ROCK2: variants seen among roughly 807,000 people sequenced by gnomAD.
ROCK2 encodes Rho associated coiled-coil containing protein kinase 2, also known as rho-associated protein kinase 2.
Under a neutral mutation model 195.1 loss-of-function variants are expected in ROCK2, and 61 were observed. The observed-to-expected ratio is 0.31, with a 90% CI of 0.25 to 0.39. ROCK2 has a LOEUF of 0.39. ROCK2 is among the 10% of genes least tolerant of loss of function. The pLI is 1.00. For synonymous variants in ROCK2, 504 were observed against 545.5 expected (o/e 0.92, Z 1.06); for missense variants, 1,109 against 1,637.4 (o/e 0.68, Z 5.57).
chr2:11,259,637 T>G (rs1666155027), intron 3 of ROCK2, among the ~76,000 whole-genome samples: 1 of 127,114 alleles, frequency 7.9e-6, no homozygotes, highest in Admixed American at 8.8e-5. Context: ...TTTATATATT[T>G]TTAAATTGTG....
At chr2:11,270,501 T>C (rs1175771982) in intron 3 of ROCK2, among the ~76,000 whole-genome samples, 4 of 152,218 alleles carry the variant, frequency 2.6e-5, no homozygotes, top group Non-Finnish European at 5.9e-5. Flanking sequence ...ACACCTTTTC[T>C]AGTGGTTCCA....
At chr2:11,196,195 G>C (rs960041691) in intron 27 of ROCK2, among the ~76,000 whole-genome samples, 2 of 152,160 alleles carry the variant, frequency 1.3e-5, no homozygotes, top group Non-Finnish European at 2.9e-5. Context: ...CTGAATGACG[G>C]AACTCTCTGC....
chr2:11,315,506 TAA>T (rs1433297651), intron 1 of ROCK2, among the ~76,000 whole-genome samples: 3 of 152,068 alleles, frequency 2.0e-5, no homozygotes, highest in Non-Finnish European at 4.4e-5. Flanking sequence ...CGGCATAATA[TAA>T]GTTTTAATTG....
At chr2:11,217,433 T>G (rs754412626) in intron 11 of ROCK2, 1 of 496,638 alleles carries the variant, frequency 2.0e-6, no homozygotes, top group Non-Finnish European at 3.8e-6. Flanking sequence ...GGCAGAATTG[T>G]TCTATGACAC....
At chr2:11,210,750 T>A (rs562215374) in intron 18 of ROCK2, among the ~76,000 whole-genome samples, 1 of 152,226 alleles carries the variant, frequency 6.6e-6, no homozygotes, top group Non-Finnish European at 1.5e-5. Context: ...ATGAAAATAA[T>A]TGAACTCTGT....
intron 1 of ROCK2, among the ~76,000 whole-genome samples, chr2:11,343,767 G>C (rs865823829): frequency 6.6e-6 from 1 of 152,160 alleles, no homozygotes; most frequent in South Asian, 2.1e-4. Context: ...AGGAGCAGCC[G>C]GGGATGACAC....
At chr2:11,286,664 TATA>T (rs375703660) in intron 2 of ROCK2, 25 bp from the exon 3 acceptor site, 211 of 1,148,458 alleles carry the variant, frequency 1.8e-4, no homozygotes, top group East Asian at 1.1e-3. Context: ...TCACCATACT[TATA>T]ATATCAATCA....
intron 17 of ROCK2, among the ~76,000 whole-genome samples, chr2:11,212,144 T>C (rs992877244): frequency 1.3e-5 from 2 of 152,102 alleles, no homozygotes; most frequent in Non-Finnish European, 2.9e-5. Flanking sequence ...CTTGAACTCC[T>C]GGGCTCAAGT....
chr2:11,311,079 TTATAA>T (rs1183612233), intron 1 of ROCK2, among the ~76,000 whole-genome samples: 6 of 151,708 alleles, frequency 4.0e-5, no homozygotes, highest in East Asian at 3.9e-4. Context: ...ATGAGAGTAA[TTATAA>T]TATATCAAGC....
chr2:11,237,934 C>A (rs1195771394), intron 4 of ROCK2, among the ~76,000 whole-genome samples: 1 of 152,020 alleles, frequency 6.6e-6, no homozygotes, highest in Non-Finnish European at 1.5e-5. Flanking sequence ...CAAAAATGAG[C>A]CAGGAATGGT....
At chr2:11,266,917 A>G (rs1002522281) in intron 3 of ROCK2, among the ~76,000 whole-genome samples, 1 of 152,222 alleles carries the variant, frequency 6.6e-6, no homozygotes, top group South Asian at 2.1e-4. Flanking sequence ...CATATTTTGT[A>G]GCCAAAACAA....
intron 4 of ROCK2, among the ~76,000 whole-genome samples, chr2:11,249,221 ATTATACTT>A (rs891925084): frequency 1.4e-4 from 22 of 152,250 alleles, no homozygotes; most frequent in African/African-American, 4.6e-4. Context: ...TTTTTTAATG[ATTATACTT>A]TAAGTTCTAG....
Position 11,335,395 on chromosome 2 carries a change from C to T in ROCK2, c.141+8601G>A, listed in dbSNP as rs570105482. On this transcript the variant is annotated intron_variant, in intron 1 of 32. Transcript: ENST00000315872. ...GAGCCCCAAATGCACCATGATTTCA[C>T]ATCAATTTATTAAACAGTAAGCTCC... Among the ~76,000 whole-genome samples the T allele has an allele frequency of 2.0e-5, 3 of 152,246 alleles. No homozygotes were observed. The East Asian group carries it at 5.8e-4, about 29-fold the overall frequency.
chr2:11,284,504 TG>T (rs1667119456), intron 3 of ROCK2, among the ~76,000 whole-genome samples: 1 of 152,182 alleles, frequency 6.6e-6, no homozygotes, highest in Non-Finnish European at 1.5e-5. Flanking sequence ...AAGGGGTATA[TG>T]GGACATCTCT....
chr2:11,251,308 A>G (rs555198987), intron 3 of ROCK2, among the ~76,000 whole-genome samples: 162 of 152,374 alleles, frequency 1.1e-3, no homozygotes, highest in African/African-American at 3.8e-3. Context: ...TCTGGCACAT[A>G]ATAACCTTTC....
intron 1 of ROCK2, among the ~76,000 whole-genome samples, chr2:11,295,784 C>T (rs1383724021): frequency 6.6e-6 from 1 of 151,968 alleles, no homozygotes; most frequent in African/African-American, 2.4e-5. Context: ...TGGTGAAACC[C>T]CGTCTCTACT....
In ROCK2 at chr2:11,198,512, T is replaced by A. The variant is rs765631934; in HGVS notation, c.3078A>T (p.Thr1026=). ...ATACTTGAGTTTTGAGTGTTCTTTC[T>A]GTTAATAGCTGCTTCTCAAACTGTG... is the stretch of plus-strand genomic sequence containing the variant. ...IKAQFEKQLL[T]ERTLKTQAVN... is the part of the protein sequence containing the mutation. The change falls in exon 25 of 33, where the codon ACA becomes ACT. Residue 1026 remains threonine, a synonymous_variant. Coordinates refer to ENST00000315872, the MANE Select transcript of ROCK2 (RefSeq NM_004850.5). 6.2e-7 allele frequency: 1 copy of A among 1,611,066 alleles called. No individual in the cohort carries two copies. Among genetic ancestry groups the A allele is most frequent in the East Asian group, 2.2e-5 (1 of 44,752 alleles).
intron 1 of ROCK2, among the ~76,000 whole-genome samples, chr2:11,294,640 T>C (rs1667457230): frequency 6.6e-6 from 1 of 152,182 alleles, no homozygotes; most frequent in Non-Finnish European, 1.5e-5. Flanking sequence ...TCTTCTAAAA[T>C]ATTAAGTTGA....
Position 11,192,134 on chromosome 2 carries a change from T to G in ROCK2, c.4163+14A>C. 3 of 1,524,922 alleles carry G rather than the reference T, an allele frequency of 2.0e-6. No individual in the cohort carries two copies. Among genetic ancestry groups the G allele is most frequent in the Non-Finnish European group, 1.8e-6 (2 of 1,125,596 alleles). The allele number at this position is 1,524,922 out of a possible 1,614,324, so 94.5% of individuals were successfully genotyped here. A position where few individuals can be genotyped will look rare whatever the true frequency, so the allele number is the denominator to read the frequency against. On this transcript the variant is annotated intron_variant, in intron 32 of 32. Coordinates refer to ENST00000315872, the MANE Select transcript of ROCK2 (RefSeq NM_004850.5). This position sits in a 1 kb window ranked among gnomAD's most constrained non-coding sequence, Gnocchi z 5.0. ...AGACTTTTTTTTTTTCCTTACCACA[T>G]TTTAGTTTATTACCTAGGTTTGTTT...
Sources: gnomAD v4.1 joint callset for allele counts (sites outside exome capture counted in the v4.1 genomes callset) on GRCh38, gnomAD v4.1.1 for gene constraint, Gnocchi (gnomAD v3.1) non-coding constraint, MANE v1.5 for transcripts, NCBI Gene and HGNC (gene_info 2026-07-23, HGNC 2026-07-21) for gene names.